Variants in PIK3C2G observed in about 807,000 individuals in gnomAD.
PIK3C2G encodes phosphatidylinositol 3-kinase C2 domain-containing subunit gamma.
PIK3C2G carries 168 observed loss-of-function variants against 181.1 expected under a neutral mutation model. That is an observed-to-expected ratio of 0.93 (90% confidence interval 0.82 to 1.05). The LOEUF is 1.05. Among genes scored for constraint, PIK3C2G ranks in the 50% least tolerant of loss-of-function variants. The probability of loss-of-function intolerance (pLI) is 0.00; values close to 1 mark genes in which losing one functional copy is unlikely to be tolerated. For synonymous variants in PIK3C2G, 573 were observed against 592.2 expected, an observed-to-expected ratio of 0.97 and a Z score of 0.47; for missense variants, 1,869 against 1,732.8, an observed-to-expected ratio of 1.08 and a Z score of -1.40.
At chr12:18,472,946 C>G (rs1410375662) in intron 18 of PIK3C2G, among the ~76,000 whole-genome samples, 2 of 152,126 alleles carry the variant, frequency 1.3e-5, no homozygotes, top group Non-Finnish European at 2.9e-5. Flanking sequence ...GTAATCCACC[C>G]ACCTCACCTT....
At chr12:18,705,779 T>C in the PIK3C2G span, among the ~76,000 whole-genome samples, 1 of 151,790 alleles carries the variant, frequency 6.6e-6, no homozygotes, top group African/African-American at 2.4e-5. Flanking sequence ...GGCAGGAGAA[T>C]CACTTGAACC....
At chr12:18,715,192 GGAGAGAGAGAGA>G in the PIK3C2G span, among the ~76,000 whole-genome samples, 2 of 8,928 alleles carry the variant, frequency 2.2e-4, no homozygotes, top group African/African-American at 6.6e-4. Context: ...GCGGAGGGAG[GGAGAGAGAGAGA>G]GAGAGAGAGA....
intron 29 of PIK3C2G, among the ~76,000 whole-genome samples, chr12:18,588,129 A>G (rs981943325): frequency 6.6e-6 from 1 of 151,980 alleles, no homozygotes; most frequent in Admixed American, 6.6e-5. Context: ...TACATATAAA[A>G]CCCAAAACTA....
intron 22 of PIK3C2G, among the ~76,000 whole-genome samples, chr12:18,500,525 T>A (rs1015957388): frequency 7.9e-5 from 12 of 151,824 alleles, no homozygotes; most frequent in Non-Finnish European, 1.6e-4. Flanking sequence ...GGCTGAGGAG[T>A]GTGGGCGCAC....
intron 31 of PIK3C2G, among the ~76,000 whole-genome samples, chr12:18,636,471 T>C (rs1485043193): frequency 6.6e-6 from 1 of 152,238 alleles, no homozygotes; most frequent in Non-Finnish European, 1.5e-5. Flanking sequence ...CCTCATGTGA[T>C]CCACCCACCT....
chr12:18,352,757 T>C (rs549159871), intron 11 of PIK3C2G, among the ~76,000 whole-genome samples: 1 of 152,076 alleles, frequency 6.6e-6, no homozygotes, highest in African/African-American at 2.4e-5. Flanking sequence ...GGGGAGGTAG[T>C]CTTCTTCTGG....
intron 18 of PIK3C2G, among the ~76,000 whole-genome samples, chr12:18,481,981 T>C (rs1396939984): frequency 6.6e-6 from 1 of 152,178 alleles, no homozygotes; most frequent in African/African-American, 2.4e-5. Flanking sequence ...CTCAAAACTT[T>C]TAACGATTTA....
chr12:18,662,590 C>T, the PIK3C2G span, among the ~76,000 whole-genome samples: 3 of 152,046 alleles, frequency 2.0e-5, no homozygotes, highest in Non-Finnish European at 4.4e-5. Flanking sequence ...TAACTTTGGT[C>T]TGCAGCTATA....
the PIK3C2G span, among the ~76,000 whole-genome samples, chr12:18,671,049 C>T: frequency 4.0e-5 from 6 of 151,754 alleles, no homozygotes; most frequent in African/African-American, 1.2e-4. Context: ...TGGTGGTGTG[C>T]GCCTGTAATC....
intron 18 of PIK3C2G, among the ~76,000 whole-genome samples, chr12:18,448,978 CTT>C (rs912123790): frequency 8.6e-5 from 13 of 151,906 alleles, no homozygotes; most frequent in African/African-American, 2.9e-4. Context: ...GAGGGGTTGA[CTT>C]TATTTATTTC....
At chr12:18,325,568 C>T (rs904040107) in intron 8 of PIK3C2G, among the ~76,000 whole-genome samples, 1 of 151,742 alleles carries the variant, frequency 6.6e-6, no homozygotes, top group Non-Finnish European at 1.5e-5. Flanking sequence ...ATTAGCTGGG[C>T]GTGGTAGTGG....
chr12:18,696,322 C>CTATATATATATATATATATATATATACA, the PIK3C2G span: 1 of 253,072 alleles, frequency 4.0e-6, no homozygotes, highest in African/African-American at 6.1e-5. Context: ...TAAAAAGCCA[C>CTATATATATATATATATATATATATACA]TATATATATA....
chr12:18,665,172 A>T, the PIK3C2G span, among the ~76,000 whole-genome samples: 2 of 149,888 alleles, frequency 1.3e-5, no homozygotes, highest in African/African-American at 4.9e-5. Context: ...ATAAAAAATA[A>T]AAAAAAATTA....
chr12:18,445,355 T>C (rs1398337835), intron 18 of PIK3C2G, among the ~76,000 whole-genome samples: 3 of 151,898 alleles, frequency 2.0e-5, no homozygotes, highest in Non-Finnish European at 2.9e-5. Context: ...AACACAAGAA[T>C]TGGTATTCAA....
At chr12:18,344,398 G>C (rs1939454233) in intron 10 of PIK3C2G, among the ~76,000 whole-genome samples, 1 of 152,060 alleles carries the variant, frequency 6.6e-6, no homozygotes, top group Non-Finnish European at 1.5e-5. Flanking sequence ...GGGTGGCGGA[G>C]GGTATAAAGA....
intron 10 of PIK3C2G, among the ~76,000 whole-genome samples, chr12:18,346,110 T>A (rs570832414): frequency 9.2e-5 from 14 of 152,202 alleles, no homozygotes; most frequent in Non-Finnish European, 2.1e-4. Flanking sequence ...ACATCATAAA[T>A]CTTTCATTTC....
chr12:18,296,132 T>C (rs1160919498), intron 5 of PIK3C2G, among the ~76,000 whole-genome samples: 3 of 152,134 alleles, frequency 2.0e-5, no homozygotes, highest in Non-Finnish European at 4.4e-5. Context: ...AACATAGCAC[T>C]GTTATATTGC....
chr12:18,303,233 CTT>C (rs1430623245), intron 5 of PIK3C2G, among the ~76,000 whole-genome samples: 4 of 147,696 alleles, frequency 2.7e-5, no homozygotes, highest in Non-Finnish European at 6.0e-5. Context: ...TTCTTTCTCT[CTT>C]TCTCTCTCCT....
At chr12:18,445,262 C>T (rs187828777) in intron 18 of PIK3C2G, among the ~76,000 whole-genome samples, 3 of 152,076 alleles carry the variant, frequency 2.0e-5, no homozygotes, top group African/African-American at 7.2e-5. Flanking sequence ...TTAATTAACA[C>T]AGAACCCCTA....
Sources: allele counts gnomAD v4.1 joint callset (sites outside exome capture counted in the v4.1 genomes callset), GRCh38; gene constraint gnomAD v4.1.1; transcripts MANE v1.5; gene names NCBI Gene and HGNC (gene_info 2026-07-23, HGNC 2026-07-21).